UNC13C: variants seen among roughly 807,000 people sequenced by gnomAD.
The protein encoded by UNC13C is unc-13 homolog C.
A neutral mutation model predicts 245.4 loss-of-function variants in UNC13C; 174 were observed. The ratio of observed to expected loss-of-function variants is 0.71; its 90% CI spans 0.63 to 0.80. The LOEUF (loss-of-function observed/expected upper bound fraction) is 0.80, where lower values mean the gene tolerates loss of function less well. Among genes scored for constraint, UNC13C ranks in the 30% least tolerant of loss-of-function variants. The pLI, the probability that UNC13C is intolerant of heterozygous loss-of-function variation, is 0.00. For missense variants in UNC13C, 2,829 were observed against 2,602.9 expected (o/e 1.09, Z -1.89); for synonymous variants, 992 against 895.1 (o/e 1.11, Z -1.93).
At chr15:54,188,308 T>G (rs938690738) in intron 4 of UNC13C, among the ~76,000 whole-genome samples, 1 of 152,190 alleles carries the variant, frequency 6.6e-6, no homozygotes, top group African/African-American at 2.4e-5. Context: ...AAACCCAAAA[T>G]GTATTAAATA....
the UNC13C span, among the ~76,000 whole-genome samples, chr15:53,870,312 T>G: frequency 6.6e-6 from 1 of 152,206 alleles, no homozygotes; most frequent in African/African-American, 2.4e-5. Context: ...TCTATAATAT[T>G]AACATATATC....
chr15:54,030,788 G>C (rs143833358), intron 2 of UNC13C, among the ~76,000 whole-genome samples: 1 of 152,274 alleles, frequency 6.6e-6, no homozygotes, highest in Non-Finnish European at 1.5e-5. Flanking sequence ...AAAAAACACT[G>C]TGTCCTCAGG....
At chr15:53,932,295 G>T in the UNC13C span, among the ~76,000 whole-genome samples, 16 of 139,862 alleles carry the variant, frequency 1.1e-4, no homozygotes, top group African/African-American at 4.0e-4. Flanking sequence ...GCAACAGTGA[G>T]ACTCCATCTC....
intron 17 of UNC13C, among the ~76,000 whole-genome samples, chr15:54,366,124 C>A (rs2039359645): frequency 6.6e-6 from 1 of 152,178 alleles, no homozygotes. Flanking sequence ...TACAGCATCT[C>A]TCTGTTAGAT....
At chr15:54,209,545 T>A (rs1201451690) in intron 4 of UNC13C, among the ~76,000 whole-genome samples, 1 of 151,984 alleles carries the variant, frequency 6.6e-6, no homozygotes, top group Non-Finnish European at 1.5e-5. Flanking sequence ...CCTGAATAGC[T>A]GGACTACAGG....
chr15:54,447,944 T>A (rs56394810), intron 19 of UNC13C, among the ~76,000 whole-genome samples: 32 of 152,266 alleles, frequency 2.1e-4, no homozygotes, highest in Middle Eastern at 3.4e-3. Flanking sequence ...CACTGCTTTA[T>A]ATGTGTCCCA....
chr15:54,059,947 A>G (rs1279437587), intron 2 of UNC13C, among the ~76,000 whole-genome samples: 1 of 152,166 alleles, frequency 6.6e-6, no homozygotes, highest in Non-Finnish European at 1.5e-5. Flanking sequence ...CCTTCCTTAT[A>G]CCTTATACAA....
At chr15:54,630,214 C>G (rs1901427868), downstream of UNC13C, 1 of 152,150 alleles carries the variant, frequency 6.6e-6, no homozygotes, top group Non-Finnish European at 1.5e-5. Context: ...AGTATTTAAA[C>G]CCAGAGTGGA....
chr15:54,038,696 C>T (rs1318886089), intron 2 of UNC13C, among the ~76,000 whole-genome samples: 1 of 152,120 alleles, frequency 6.6e-6, no homozygotes, highest in East Asian at 1.9e-4. Context: ...TTAAACATCT[C>T]AACACTGTTT....
chr15:54,567,359 C>G (rs1169650854), intron 29 of UNC13C, among the ~76,000 whole-genome samples: 1 of 152,098 alleles, frequency 6.6e-6, no homozygotes, highest in East Asian at 1.9e-4. Context: ...GACACCTGAC[C>G]TAGAATCTCA....
At chr15:53,940,625 G>A in the UNC13C span, among the ~76,000 whole-genome samples, 1 of 152,114 alleles carries the variant, frequency 6.6e-6, no homozygotes, top group African/African-American at 2.4e-5. Flanking sequence ...AAAGTTTCAG[G>A]ATATGAAATC....
rs769828010 is a variant in UNC13C at position 54,013,848 on chromosome 15, G to A, written c.945G>A (p.Met315Ile). Residue 315 changes from methionine (M) to isoleucine (I), a missense_variant, in exon 2 of 33, where the codon ATG (methionine) becomes ATA (isoleucine). Physicochemically the swap from Met to Ile is conservative, Grantham distance 10 (BLOSUM62 1). Coordinates refer to ENST00000260323, the MANE Select transcript of UNC13C (RefSeq NM_001080534.3). ...ATTATATTAAGCACTTAGGTCATAT[G>A]GGTAGCAAGGCAAGCCTGAGATTTT... ...IHDYIKHLGH[M>I]GSKASLRFLN... The A allele has an allele frequency of 3.7e-6, 6 of 1,613,372 alleles. No individual in the cohort carries two copies. Among genetic ancestry groups the A allele is most frequent in the Non-Finnish European group, 5.1e-6 (6 of 1,179,714 alleles).
chr15:54,160,037 T>C (rs536354115), intron 4 of UNC13C, among the ~76,000 whole-genome samples: 13 of 152,230 alleles, frequency 8.5e-5, no homozygotes, highest in African/African-American at 3.1e-4. Flanking sequence ...ACCTTTGTTG[T>C]GTGAAGATTG....
chr15:54,184,711 A>G (rs2033915713), intron 4 of UNC13C, among the ~76,000 whole-genome samples: 2 of 152,200 alleles, frequency 1.3e-5, no homozygotes, highest in Non-Finnish European at 2.9e-5. Flanking sequence ...TATTGTGAAT[A>G]GTGCCGCAAT....
At chr15:53,856,151 T>C in the UNC13C span, among the ~76,000 whole-genome samples, 3 of 152,142 alleles carry the variant, frequency 2.0e-5, no homozygotes, top group African/African-American at 7.2e-5. Context: ...TTTATCATTT[T>C]TGAACGTGTT....
chr15:53,970,023 A>G, the UNC13C span, among the ~76,000 whole-genome samples: 3 of 149,754 alleles, frequency 2.0e-5, no homozygotes, highest in African/African-American at 7.3e-5. Context: ...CTCACAGTTC[A>G]TTCATACTAT....
At position 54,577,718 on chromosome 15, in the gene UNC13C, T is replaced by C. The variant is rs915826430; in HGVS notation, c.6106+9771T>C. On this transcript the variant is annotated intron_variant, in intron 30 of 32. Transcript: ENST00000260323. ...GTTTACCGATGAGGGCAGTTAGCAG[T>C]TCCACTTTCCCTTGTCATTTCCCTA... is the stretch of plus-strand genomic sequence containing the variant. Among the ~76,000 whole-genome samples, 10 of 152,136 alleles carry C rather than the reference T, an allele frequency of 6.6e-5. 1 individual carries two copies. The highest frequency in any genetic ancestry group is 1.3e-4 in the Non-Finnish European group (9 of 68,034).
rs146997065 is a variant in UNC13C, at chr15:54,176,848, T to A, written c.3071+33164T>A. On this transcript the variant is annotated intron_variant, in intron 4 of 32. Coordinates refer to ENST00000260323, the MANE Select transcript of UNC13C (RefSeq NM_001080534.3). ...CTATGGAACAAAAAGATGAATTGTT[T>A]ATAGAAGATGTCTTATAATGCTATA... Among the ~76,000 whole-genome samples the A allele has an allele frequency of 4.7e-3, 719 of 152,240 alleles. 4 individuals carry two copies. The highest frequency in any genetic ancestry group is 0.017 in the African/African-American group (697 of 41,560).
rs1323385097 is a variant in UNC13C at position 54,546,082 on chromosome 15, A to G, written c.5697-640A>G. Among the ~76,000 whole-genome samples the G allele has an allele frequency of 8.5e-5, 13 of 152,212 alleles. No individual in the cohort carries two copies. In the East Asian group the frequency reaches 9.6e-4, roughly 11 times the overall value. On this transcript the variant is annotated intron_variant, in intron 26 of 32. Coordinates refer to ENST00000260323, the MANE Select transcript of UNC13C (RefSeq NM_001080534.3). ...TTGGAACCAACCCAAATGTCCATCA[A>G]TGATAGACTGGATAAAGAAAATGTG...
Sources: allele counts gnomAD v4.1 joint callset (sites outside exome capture counted in the v4.1 genomes callset), GRCh38; gene constraint gnomAD v4.1.1; transcripts MANE v1.5; gene names NCBI Gene and HGNC (gene_info 2026-07-23, HGNC 2026-07-21).